Variants in MGMT observed in about 807,000 individuals in gnomAD.
MGMT encodes methylated-DNA--protein-cysteine methyltransferase.
Under a neutral mutation model 15.9 loss-of-function variants are expected in MGMT, and 14 were observed. The observed-to-expected ratio is 0.88, with a 90% CI of 0.58 to 1.37. The LOEUF is 1.37. MGMT is among the 40% of genes most tolerant of loss of function. The pLI is 0.00. For synonymous variants in MGMT, 130 were observed against 118.2 expected (o/e 1.10, Z -0.65); for missense variants, 282 against 268.1 (o/e 1.05, Z -0.36).
intron 1 of MGMT, among the ~76,000 whole-genome samples, chr10:129,487,997 ATAGG>A (rs1220981067): frequency 1.8e-5 from 2 of 113,320 alleles, no homozygotes; most frequent in African/African-American, 7.1e-5. Flanking sequence ...ACACACACAC[ATAGG>A]TATACACACA....
chr10:129,511,523 A>T (rs1845683662), intron 1 of MGMT, among the ~76,000 whole-genome samples: 1 of 152,206 alleles, frequency 6.6e-6, no homozygotes, highest in African/African-American at 2.4e-5. Flanking sequence ...ATATGCCAGG[A>T]ATTAAGCAGT....
chr10:129,724,085 T>C (rs1239079830), intron 3 of MGMT, among the ~76,000 whole-genome samples: 3 of 152,230 alleles, frequency 2.0e-5, no homozygotes, highest in Non-Finnish European at 4.4e-5. Flanking sequence ...TCACAGCAGC[T>C]TTGCTTGCTT....
At chr10:129,686,086 A>C (rs1358552733) in intron 2 of MGMT, among the ~76,000 whole-genome samples, 1 of 152,228 alleles carries the variant, frequency 6.6e-6, no homozygotes, top group East Asian at 1.9e-4. Context: ...CTTTGGCTTC[A>C]GAAGTTTATT....
chr10:129,606,988 A>G (rs940898371), intron 2 of MGMT, among the ~76,000 whole-genome samples: 5 of 152,198 alleles, frequency 3.3e-5, no homozygotes, highest in Non-Finnish European at 7.3e-5. Context: ...TGGGCTGGGA[A>G]AGCCCGTTTT....
intron 4 of MGMT, among the ~76,000 whole-genome samples, chr10:129,763,694 C>G (rs1335345627): frequency 2.0e-5 from 3 of 152,184 alleles, no homozygotes; most frequent in African/African-American, 7.2e-5. Context: ...ACCTCTTTAT[C>G]AGTCAAAAAC....
intron 3 of MGMT, among the ~76,000 whole-genome samples, chr10:129,721,863 G>A (rs571870692): frequency 1.1e-4 from 17 of 151,992 alleles, no homozygotes; most frequent in African/African-American, 3.9e-4. Flanking sequence ...ATAGGGTAAA[G>A]GGGGAACAAA....
intron 4 of MGMT, among the ~76,000 whole-genome samples, chr10:129,761,512 G>A (rs1848873124): frequency 6.6e-6 from 1 of 152,204 alleles, no homozygotes; most frequent in South Asian, 2.1e-4. Context: ...CCTGCTTGTG[G>A]CGATATTCGG....
chr10:129,541,621 T>C (rs1846043355), intron 2 of MGMT, among the ~76,000 whole-genome samples: 1 of 152,110 alleles, frequency 6.6e-6, no homozygotes, highest in African/African-American at 2.4e-5. Flanking sequence ...TCTTGGAAGC[T>C]GGGGAGCTAA....
At position 129,646,489 on chromosome 10, in the gene MGMT, A is replaced by G. The variant is rs141257070; in HGVS notation, c.126-61406A>G. On this transcript the variant is annotated intron_variant, in intron 2 of 4. Transcript: ENST00000651593. ...ACTGGGTACACTCTAAAGTCTCGAC[A>G]TGATTATGCCTGTGATCCTGCACAA... 1.9e-4 allele frequency among the ~76,000 whole-genome samples: 29 copies of G among 151,968 alleles called. 1 individual carries two copies. In the East Asian group the frequency reaches 5.2e-3, roughly 27 times the overall value.
At chr10:129,701,391 G>C (rs945507988) in intron 2 of MGMT, 1 of 152,204 alleles carries the variant, frequency 6.6e-6, no homozygotes, top group Admixed American at 6.5e-5. Flanking sequence ...CGGTCAGCCC[G>C]ATGGTGCCTC....
At chr10:129,728,816 G>A (rs918751398) in intron 3 of MGMT, among the ~76,000 whole-genome samples, 6 of 150,914 alleles carry the variant, frequency 4.0e-5, no homozygotes, top group Non-Finnish European at 5.9e-5. Context: ...CAATGCCCCC[G>A]CCTCCCATCG....
Position 129,686,468 on chromosome 10 carries a change from G to A in MGMT, c.126-21427G>A, listed in dbSNP as rs576361944. Among the ~76,000 whole-genome samples, 482 of 152,114 alleles carry A rather than the reference G, an allele frequency of 3.2e-3. 3 individuals are homozygous for A. The highest frequency in any genetic ancestry group is 0.011 in the African/African-American group (462 of 41,502). ...CCTCTCACTGCAACCTCTGCCTCCC[G>A]GGTTCAAGGGATTCCCCTACCTTAG... On this transcript the variant is annotated intron_variant, in intron 2 of 4. Coordinates refer to ENST00000651593, the MANE Select transcript of MGMT (RefSeq NM_002412.5).
At chr10:129,711,413 G>A (rs1294393023) in intron 3 of MGMT, among the ~76,000 whole-genome samples, 8 of 152,340 alleles carry the variant, frequency 5.3e-5, no homozygotes, top group African/African-American at 1.7e-4. Flanking sequence ...TGCCTTTCCC[G>A]ACCGGGTGTC....
rs199898493 is a variant in MGMT, at chr10:129,657,408, T to TG, written c.126-50478dup. 5.6e-3 allele frequency among the ~76,000 whole-genome samples: 357 copies of TG among 63,898 alleles called. 1 individual carries two copies. Among genetic ancestry groups the TG allele is most frequent in the African/African-American group, 7.2e-3 (121 of 16,822 alleles). 41.9% of individuals were successfully genotyped at this position (63,898 alleles called of 152,430 possible). On this transcript the variant is annotated intron_variant, in intron 2 of 4. Coordinates refer to ENST00000651593, the MANE Select transcript of MGMT (RefSeq NM_002412.5). ...TCCTGCATTCTAGGGATTGTGGGGG[T>TG]GGGGGGGGGAGCAACAAACAAAACA...
intron 1 of MGMT, among the ~76,000 whole-genome samples, chr10:129,480,283 G>A (rs898551659): frequency 2.0e-5 from 3 of 152,158 alleles, no homozygotes; most frequent in African/African-American, 7.2e-5. Flanking sequence ...CTCGGCAAGT[G>A]GTAATTTCCT....
Position 129,519,500 on chromosome 10 carries a change from C to T in MGMT, c.-12-16741C>T, listed in dbSNP as rs7907061. ...GCACTTCCTCTGCTGCGTGGCCTTG[C>T]GGTGAGATGGAGCCTGTCGCTCCAG... On this transcript the variant is annotated intron_variant, in intron 1 of 4. Transcript: ENST00000651593. 4.1e-3 allele frequency among the ~76,000 whole-genome samples: 621 copies of T among 152,316 alleles called. 8 individuals are homozygous for T. The highest frequency in any genetic ancestry group is 0.013 in the African/African-American group (550 of 41,572).
chr10:129,660,044 C>T (rs1187360521), intron 2 of MGMT, among the ~76,000 whole-genome samples: 1 of 152,328 alleles, frequency 6.6e-6, no homozygotes, highest in East Asian at 1.9e-4. Flanking sequence ...TTTCTTGCGA[C>T]ATTTTGGTTT....
At chr10:129,486,245 T>C (rs1013625276) in intron 1 of MGMT, among the ~76,000 whole-genome samples, 2 of 149,164 alleles carry the variant, frequency 1.3e-5, no homozygotes, top group African/African-American at 5.0e-5. Context: ...TGGAGTGCGA[T>C]GGCATGATCT....
intron 1 of MGMT, among the ~76,000 whole-genome samples, chr10:129,489,386 A>AAAAT (rs1845444941): frequency 2.1e-5 from 3 of 146,134 alleles, no homozygotes; most frequent in African/African-American, 7.4e-5. Flanking sequence ...AAAAAAAAAA[A>AAAAT]TTGGTGAGTA....
Sources: gnomAD v4.1 joint callset for allele counts (sites outside exome capture counted in the v4.1 genomes callset) on GRCh38, gnomAD v4.1.1 for gene constraint, MANE v1.5 for transcripts, NCBI Gene and HGNC (gene_info 2026-07-23, HGNC 2026-07-21) for gene names.